Variants in RIC8B observed in about 807,000 individuals in gnomAD.
RIC8B encodes chaperone Ric-8B.
RIC8B carries 16 observed loss-of-function variants against 57.5 expected under a neutral mutation model. The observed-to-expected ratio is 0.28, with a 90% CI of 0.19 to 0.42. RIC8B has a LOEUF of 0.42. Ranked by LOEUF, RIC8B falls within the 10% of genes least tolerant of loss-of-function variation. RIC8B has a pLI of 1.00. For missense variants in RIC8B, 481 were observed against 677.0 expected (o/e 0.71, Z 3.21); for synonymous variants, 216 against 250.8 (o/e 0.86, Z 1.31).
intron 2 of RIC8B, among the ~76,000 whole-genome samples, chr12:106,795,294 G>A (rs975366865): frequency 2.4e-4 from 37 of 152,156 alleles, no homozygotes; most frequent in African/African-American, 3.9e-4. Flanking sequence ...GTAAATACCC[G>A]TGGTTCGTCT....
chr12:106,838,710 C>T (rs2046729299), intron 4 of RIC8B, among the ~76,000 whole-genome samples: 1 of 151,774 alleles, frequency 6.6e-6, no homozygotes, highest in South Asian at 2.1e-4. Flanking sequence ...AACTTCTGCA[C>T]AGCAAAGGAA....
intron 7 of RIC8B, among the ~76,000 whole-genome samples, chr12:106,854,047 A>G (rs952579383): frequency 3.0e-4 from 45 of 152,258 alleles, no homozygotes; most frequent in African/African-American, 1.1e-3. Flanking sequence ...TGGGGAGACA[A>G]TTGGCTGGTG....
At chr12:106,777,323 T>C (rs1001349458) in intron 1 of RIC8B, among the ~76,000 whole-genome samples, 6 of 152,234 alleles carry the variant, frequency 3.9e-5, no homozygotes, top group Non-Finnish European at 7.4e-5. Context: ...ATGATCATAG[T>C]GGTTCAGGCA....
chr12:106,816,090 C>T (rs1427167306), intron 3 of RIC8B, among the ~76,000 whole-genome samples: 1 of 152,060 alleles, frequency 6.6e-6, no homozygotes, highest in Non-Finnish European at 1.5e-5. Flanking sequence ...GCTTTTTTCC[C>T]TCCTTCTAGA....
chr12:106,863,859 G>A (rs922758431), intron 8 of RIC8B, among the ~76,000 whole-genome samples: 6 of 151,890 alleles, frequency 4.0e-5, no homozygotes, highest in African/African-American at 1.2e-4. Context: ...TTAATCAAAC[G>A]GCCTGACATG....
At chr12:106,831,648 C>T (rs996991965) in intron 4 of RIC8B, among the ~76,000 whole-genome samples, 3 of 152,182 alleles carry the variant, frequency 2.0e-5, no homozygotes, top group Non-Finnish European at 4.4e-5. Flanking sequence ...AAATCTAAAC[C>T]CTTTCAACAA....
At chr12:106,862,166 C>A (rs1309411397) in intron 8 of RIC8B, among the ~76,000 whole-genome samples, 2 of 151,906 alleles carry the variant, frequency 1.3e-5, no homozygotes, top group Admixed American at 6.6e-5. Flanking sequence ...TAATATTCAG[C>A]CTTTGGACTT....
At chr12:106,873,384 C>T (rs966062219) in intron 9 of RIC8B, among the ~76,000 whole-genome samples, 3 of 152,088 alleles carry the variant, frequency 2.0e-5, no homozygotes, top group Non-Finnish European at 4.4e-5. Flanking sequence ...CAATCAATGA[C>T]AAAACTGTAT....
At chr12:106,841,492 T>C (rs1948945785) in intron 4 of RIC8B, among the ~76,000 whole-genome samples, 2 of 152,234 alleles carry the variant, frequency 1.3e-5, no homozygotes, top group African/African-American at 4.8e-5. Flanking sequence ...TTTTTTAGGG[T>C]GTCACTATAA....
At position 106,821,051 on chromosome 12, in the gene RIC8B, A is replaced by G. The variant is rs139292482; in HGVS notation, c.742-4675A>G. On this transcript the variant is annotated intron_variant, in intron 3 of 9. Coordinates refer to ENST00000392837, the MANE Select transcript of RIC8B (RefSeq NM_001330145.2). ...GAAAATATCAAAACTAAATCAGGAA[A>G]CAATTAGTAAACAGTTGTATAAGCT... Among the ~76,000 whole-genome samples, 258 of 152,348 alleles carry G rather than the reference A, an allele frequency of 1.7e-3. 2 individuals are homozygous for G. The highest frequency in any genetic ancestry group is 5.8e-3 in the African/African-American group (240 of 41,576).
intron 1 of RIC8B, among the ~76,000 whole-genome samples, chr12:106,782,353 C>T (rs908743961): frequency 5.3e-5 from 8 of 152,086 alleles, no homozygotes; most frequent in Non-Finnish European, 1.2e-4. Flanking sequence ...GTGTTGTTGC[C>T]AAATCACTTT....
At chr12:106,828,993 A>G (rs987336641) in intron 4 of RIC8B, among the ~76,000 whole-genome samples, 4 of 152,156 alleles carry the variant, frequency 2.6e-5, no homozygotes, top group Non-Finnish European at 5.9e-5. Flanking sequence ...GCTTTTTCTG[A>G]TACGTTGTCT....
At chr12:106,872,495 C>T (rs1950475375) in intron 9 of RIC8B, among the ~76,000 whole-genome samples, 1 of 152,034 alleles carries the variant, frequency 6.6e-6, no homozygotes, top group African/African-American at 2.4e-5. Context: ...ATGGAGAAAC[C>T]CTGTCTCTAC....
chr12:106,821,062 A>G (rs763437004), intron 3 of RIC8B, among the ~76,000 whole-genome samples: 9 of 152,352 alleles, frequency 5.9e-5, no homozygotes, highest in Admixed American at 1.3e-4. Flanking sequence ...CAATTAGTAA[A>G]CAGTTGTATA....
intron 4 of RIC8B, among the ~76,000 whole-genome samples, chr12:106,827,367 G>A (rs371555799): frequency 3.3e-5 from 5 of 152,076 alleles, no homozygotes; most frequent in Admixed American, 6.6e-5. Flanking sequence ...TTAACATAGG[G>A]TTGTTCTTAA....
intron 2 of RIC8B, among the ~76,000 whole-genome samples, chr12:106,789,403 C>G (rs1281495128): frequency 6.6e-6 from 1 of 152,150 alleles, no homozygotes; most frequent in Non-Finnish European, 1.5e-5. Context: ...CAGCAACACC[C>G]CACTCTACTG....
intron 3 of RIC8B, among the ~76,000 whole-genome samples, chr12:106,819,494 G>A (rs968692626): frequency 1.3e-5 from 2 of 152,150 alleles, no homozygotes; most frequent in African/African-American, 2.4e-5. Flanking sequence ...GCTCACGCCT[G>A]TAATGCTAGC....
intron 3 of RIC8B, 24 bp from the exon 4 acceptor site, chr12:106,825,702 T>G: frequency 6.3e-7 from 1 of 1,585,684 alleles, no homozygotes; most frequent in South Asian, 1.1e-5. Flanking sequence ...CCCCAATGTT[T>G]CCTCTCTTTT....
intron 4 of RIC8B, among the ~76,000 whole-genome samples, chr12:106,826,479 T>G (rs1350266726): frequency 3.9e-5 from 6 of 152,120 alleles, no homozygotes; most frequent in African/African-American, 1.4e-4. Context: ...ATAGGCCGGG[T>G]GTGGTGGCTC....
Sources: allele counts gnomAD v4.1 joint callset (sites outside exome capture counted in the v4.1 genomes callset), GRCh38; gene constraint gnomAD v4.1.1; transcripts MANE v1.5; gene names NCBI Gene and HGNC (gene_info 2026-07-23, HGNC 2026-07-21).